DPYSL5: variants seen among roughly 807,000 people sequenced by gnomAD.
DPYSL5 encodes dihydropyrimidinase-related protein 5.
A neutral mutation model predicts 58.4 loss-of-function variants in DPYSL5; 9 were observed. The observed-to-expected ratio is 0.15, with a 90% CI of 0.09 to 0.27. The LOEUF is 0.27. Ranked by LOEUF, DPYSL5 falls within the 10% of genes least tolerant of loss-of-function variation. The pLI is 1.00. For missense variants in DPYSL5, 499 were observed against 770.6 expected, an observed-to-expected ratio of 0.65 and a Z score of 4.17; for synonymous variants, 293 against 301.9, an observed-to-expected ratio of 0.97 and a Z score of 0.31.
chr2:26,889,647 G>A (rs1479071340), intron 1 of DPYSL5, among the ~76,000 whole-genome samples: 1 of 151,890 alleles, frequency 6.6e-6, no homozygotes, highest in Non-Finnish European at 1.5e-5. Context: ...TTGGAGCAGA[G>A]GGAAGAGAGT....
In DPYSL5 at chr2:26,947,818, C is replaced by G. The variant is rs527817919; in HGVS notation, c.*823C>G. The stretch of plus-strand genomic sequence containing the variant: ...GACGCTGCACTTGACACCAACCAGA[C>G]AGCACAGGGCAGGGGTGGTGGAGGG... On this transcript the variant is annotated 3_prime_UTR_variant, in exon 13 of 13. Coordinates refer to ENST00000288699, the MANE Select transcript of DPYSL5 (RefSeq NM_020134.4). The surrounding 1 kb of genome is among the most constrained non-coding windows in gnomAD (Gnocchi z 4.2). 6.5e-6 allele frequency: 1 copy of G among 152,986 alleles called. No individual in the cohort carries two copies. The highest frequency in any genetic ancestry group is 2.4e-5 in the African/African-American group (1 of 41,534). 9.5% of individuals were successfully genotyped at this position (152,986 alleles called of 1,614,324 possible).
intron 1 of DPYSL5, among the ~76,000 whole-genome samples, chr2:26,891,456 C>T (rs932857963): frequency 3.0e-4 from 45 of 152,012 alleles, no homozygotes; most frequent in African/African-American, 9.9e-4. Flanking sequence ...TTCAGAGCCT[C>T]GTTAGCCTCC....
intron 5 of DPYSL5, among the ~76,000 whole-genome samples, chr2:26,931,199 G>GTTTATATA (rs1287075956): frequency 1.9e-5 from 1 of 52,878 alleles, no homozygotes; most frequent in Non-Finnish European, 4.2e-5. Flanking sequence ...GTGTGTGTGT[G>GTTTATATA]TGTGTATATA....
At position 26,942,227 on chromosome 2, in the gene DPYSL5, C is replaced by T. The variant is rs558594686; in HGVS notation, c.1232+135C>T. The T allele has an allele frequency of 1.0e-5, 13 of 1,284,052 alleles. No homozygotes were observed. The East Asian group carries it at 2.9e-4, about 28-fold the overall frequency. 79.5% of individuals were successfully genotyped at this position (1,284,052 alleles called of 1,614,324 possible). A position where few individuals can be genotyped will look rare whatever the true frequency, so the allele number is the denominator to read the frequency against. ...ATGGCCCTGGCCTACCGTTGGCCATCTTCTCCCTCCATCTTCACACAGTCT... is the reference window on the plus strand; with the variant it reads ...ATGGCCCTGGCCTACCGTTGGCCATTTTCTCCCTCCATCTTCACACAGTCT... On this transcript the variant is annotated intron_variant, in intron 10 of 12. Transcript: ENST00000288699. The surrounding 1 kb of genome is among the most constrained non-coding windows in gnomAD (Gnocchi z 5.9).
At chr2:26,859,427 G>A (rs1665958818) in intron 1 of DPYSL5, among the ~76,000 whole-genome samples, 1 of 151,912 alleles carries the variant, frequency 6.6e-6, no homozygotes, top group Non-Finnish European at 1.5e-5. Flanking sequence ...TTCACATTAA[G>A]AGAAATGTAT....
Position 26,910,744 on chromosome 2 carries a change from C to T in DPYSL5, c.261+11984C>T, listed in dbSNP as rs553218233. ...TGCTGGGATTACAGGTGTGAGCCACCACACCCAGCCCAAAAGTTGTTTATA... is the reference window on the plus strand; with the variant it reads ...TGCTGGGATTACAGGTGTGAGCCACTACACCCAGCCCAAAAGTTGTTTATA... On this transcript the variant is annotated intron_variant, in intron 2 of 12. Transcript: ENST00000288699. Among the ~76,000 whole-genome samples, 4 of 151,608 alleles carry T rather than the reference C, an allele frequency of 2.6e-5. No homozygotes were observed. In the South Asian group the frequency reaches 6.2e-4, roughly 24 times the overall value.
intron 2 of DPYSL5, among the ~76,000 whole-genome samples, chr2:26,923,860 A>T (rs1355868126): frequency 6.6e-6 from 1 of 152,102 alleles, no homozygotes; most frequent in Non-Finnish European, 1.5e-5. Context: ...GGGCTTCACC[A>T]TGTTGGCCAG....
intron 2 of DPYSL5, among the ~76,000 whole-genome samples, chr2:26,907,588 A>G (rs1309131096): frequency 6.6e-6 from 1 of 151,938 alleles, no homozygotes; most frequent in East Asian, 1.9e-4. Flanking sequence ...CCATCGACCC[A>G]TCATGGCCAG....
Position 26,867,445 on chromosome 2 carries a change from T to G in DPYSL5, c.-5+19191T>G, listed in dbSNP as rs370962345. ...ATTCGGTTTGTTCCCAATTGTTTGTTTTTTTTTTTGTTTGTTTTTTTTTTT... is the reference window on the plus strand; with the variant it reads ...ATTCGGTTTGTTCCCAATTGTTTGTGTTTTTTTTTGTTTGTTTTTTTTTTT... On this transcript the variant is annotated intron_variant, in intron 1 of 12. Transcript: ENST00000288699. 1.9e-3 allele frequency among the ~76,000 whole-genome samples: 277 copies of G among 146,080 alleles called. 1 individual carries two copies. The highest frequency in any genetic ancestry group is 7.1e-3 in the Middle Eastern group (2 of 282).
At position 26,891,884 on chromosome 2, in the gene DPYSL5, G is replaced by T. The variant is rs184461369; in HGVS notation, c.-4-6612G>T. 1.1e-4 allele frequency among the ~76,000 whole-genome samples: 17 copies of T among 152,192 alleles called. No individual in the cohort carries two copies. The East Asian group carries it at 3.3e-3, about 29-fold the overall frequency. On this transcript the variant is annotated intron_variant, in intron 1 of 12. Coordinates refer to ENST00000288699, the MANE Select transcript of DPYSL5 (RefSeq NM_020134.4). Reference sequence around the variant, plus strand: ...GATGGAGTTTTATCATGTTGGCCAAGCTGGTCTCGAACTCCTGACCTCAAG... The same window carrying T: ...GATGGAGTTTTATCATGTTGGCCAATCTGGTCTCGAACTCCTGACCTCAAG...
In DPYSL5 at chr2:26,898,409, C is replaced by G. The variant is rs1341569984; in HGVS notation, c.-4-87C>G. The G allele has an allele frequency of 3.2e-6, 5 of 1,549,654 alleles. No homozygotes were observed. In the Admixed American group the frequency reaches 8.9e-5, roughly 28 times the overall value. On this transcript the variant is annotated intron_variant, in intron 1 of 12. Coordinates refer to ENST00000288699, the MANE Select transcript of DPYSL5 (RefSeq NM_020134.4). The surrounding 1 kb of genome is among the most constrained non-coding windows in gnomAD (Gnocchi z 6.1). ...CTCTTCTCTGCTCACTTACCCTGAC[C>G]ATGGAATTTGGGCTTTGATAGGAGG...
intron 5 of DPYSL5, among the ~76,000 whole-genome samples, chr2:26,929,411 T>G (rs1664916004): frequency 6.6e-6 from 1 of 152,134 alleles, no homozygotes; most frequent in African/African-American, 2.4e-5. Context: ...TTTGTATGTT[T>G]AGTAGAGACG....
At chr2:26,870,873 G>A (rs1172553470) in intron 1 of DPYSL5, among the ~76,000 whole-genome samples, 1 of 152,160 alleles carries the variant, frequency 6.6e-6, no homozygotes, top group Non-Finnish European at 1.5e-5. Flanking sequence ...CTGTGTAGTA[G>A]TTAATAGTTA....
intron 1 of DPYSL5, among the ~76,000 whole-genome samples, chr2:26,884,520 T>A (rs1484607560): frequency 6.9e-6 from 1 of 145,530 alleles, no homozygotes; most frequent in South Asian, 2.2e-4. Flanking sequence ...TTGTCCTATC[T>A]CACACACACA....
intron 5 of DPYSL5, among the ~76,000 whole-genome samples, chr2:26,930,836 T>A (rs1469303845): frequency 6.6e-6 from 1 of 151,642 alleles, no homozygotes; most frequent in Non-Finnish European, 1.5e-5. Context: ...TAGTCGGGCA[T>A]GGTGGTGGGC....
intron 5 of DPYSL5, among the ~76,000 whole-genome samples, chr2:26,931,169 A>ATATGTGTGTGTGTG (rs1353719385): frequency 2.2e-5 from 1 of 45,698 alleles, no homozygotes; most frequent in African/African-American, 7.0e-5. Flanking sequence ...ATATATATAT[A>ATATGTGTGTGTGTG]TGTGTGTGTG....
chr2:26,920,244 G>C (rs1664671635), intron 2 of DPYSL5, among the ~76,000 whole-genome samples: 1 of 151,988 alleles, frequency 6.6e-6, no homozygotes, highest in Admixed American at 6.6e-5. Flanking sequence ...TTAAGTTTGA[G>C]TAGTGGAAAT....
intron 2 of DPYSL5, among the ~76,000 whole-genome samples, chr2:26,918,335 T>C (rs776654648): frequency 8.5e-5 from 13 of 152,110 alleles, no homozygotes; most frequent in Non-Finnish European, 1.2e-4. Flanking sequence ...GATGAAATGC[T>C]TGGACCCTTT....
At chr2:26,858,598 TCTCA>T (rs1057155264) in intron 1 of DPYSL5, among the ~76,000 whole-genome samples, 5 of 151,258 alleles carry the variant, frequency 3.3e-5, no homozygotes, top group African/African-American at 9.7e-5. Context: ...GGAGACAAGG[TCTCA>T]CTCTGTCACC....
Sources: gnomAD v4.1 joint callset for allele counts (sites outside exome capture counted in the v4.1 genomes callset) on GRCh38, gnomAD v4.1.1 for gene constraint, Gnocchi (gnomAD v3.1) non-coding constraint, MANE v1.5 for transcripts, NCBI Gene and HGNC (gene_info 2026-07-23, HGNC 2026-07-21) for gene names.